PDXP: variants seen among roughly 807,000 people sequenced by gnomAD.
PDXP encodes pyridoxal phosphatase.
Under a neutral mutation model 14.4 loss-of-function variants are expected in PDXP, and 15 were observed. That is an observed-to-expected ratio of 1.04 (90% CI 0.70 to 1.60). The LOEUF is 1.60. Among genes scored for constraint, PDXP ranks in the 40% most tolerant of loss-of-function variants. PDXP has a pLI of 0.00. For synonymous variants in PDXP, 233 were observed against 205.6 expected, an observed-to-expected ratio of 1.13 and a Z score of -1.14; for missense variants, 413 against 427.6, an observed-to-expected ratio of 0.97 and a Z score of 0.30.
At chr22:37,665,442 C>T (rs1921037516) in intron 1 of PDXP, 113 bp from the exon 2 acceptor site, 3 of 822,930 alleles carry the variant, frequency 3.6e-6, no homozygotes, top group Admixed American at 2.7e-5. Context: ...CTTTCTGGCT[C>T]CTGTCAGCAG....
At chr22:37,665,496 T>C (rs866781194) in intron 1 of PDXP, 59 bp from the exon 2 acceptor site, 1 of 1,385,138 alleles carries the variant, frequency 7.2e-7, no homozygotes, top group East Asian at 2.4e-5. Context: ...ACTTCCAGTT[T>C]CAGGGCCTGA....
intron 1 of PDXP, among the ~76,000 whole-genome samples, chr22:37,664,469 C>G (rs906431996): frequency 6.6e-6 from 1 of 152,190 alleles, no homozygotes; most frequent in Non-Finnish European, 1.5e-5. Flanking sequence ...AATCTGTACT[C>G]CCAGGTCAGA....
chr22:37,662,636 G>A (rs1165909025), intron 1 of PDXP, among the ~76,000 whole-genome samples: 1 of 152,332 alleles, frequency 6.6e-6, no homozygotes, highest in East Asian at 1.9e-4. Flanking sequence ...GCAGAGGCTA[G>A]TGTGGTTCAG....
chr22:37,665,947 C>T lies in PDXP; in HGVS notation c.*76C>T. 18 of 1,420,934 alleles carry T rather than the reference C, an allele frequency of 1.3e-5. No individual in the cohort carries two copies. Among genetic ancestry groups the T allele is most frequent in the Non-Finnish European group, 1.6e-5 (17 of 1,032,670 alleles). The allele number at this position is 1,420,934 out of a possible 1,614,324, so 88.0% of individuals were successfully genotyped here. On this transcript the variant is annotated 3_prime_UTR_variant, in exon 2 of 2. Coordinates refer to ENST00000215904, the MANE Select transcript of PDXP (RefSeq NM_020315.5). ...GTAGGTGGAGGCGATGGGTCACGAG[C>T]CATGTTAAGCACAACCGGCTCCTTG...
chr22:37,660,842 G>A (rs932104628), intron 1 of PDXP, among the ~76,000 whole-genome samples: 3 of 152,174 alleles, frequency 2.0e-5, no homozygotes, highest in South Asian at 2.1e-4. Context: ...GCAGGGCAGT[G>A]ATAATACACC....
Position 37,659,241 on chromosome 22 carries a change from C to G in PDXP, c.459C>G (p.His153Gln). 2.3e-6 allele frequency: 3 copies of G among 1,323,844 alleles called. No homozygotes were observed. The highest frequency in any genetic ancestry group is 2.9e-6 in the Non-Finnish European group (3 of 1,031,806). The allele number at this position is 1,323,844 out of a possible 1,614,324, so 82.0% of individuals were successfully genotyped here. A position where few individuals can be genotyped will look rare whatever the true frequency, so the allele number is the denominator to read the frequency against. The change falls in exon 1 of 2, where the codon CAC (histidine) becomes CAG (glutamine). Residue 153 changes from histidine to glutamine, a missense_variant. Transcript: ENST00000215904. ...VRAVLVGYDE[H>Q]FSFAKLREAC... is the part of the protein sequence containing the mutation. Reference sequence around the variant, plus strand: ...CCGTGCTTGTGGGCTACGACGAGCACTTCTCCTTCGCCAAGCTGAGGGAGG... The same window carrying G: ...CCGTGCTTGTGGGCTACGACGAGCAGTTCTCCTTCGCCAAGCTGAGGGAGG...
intron 1 of PDXP, among the ~76,000 whole-genome samples, chr22:37,660,606 G>A (rs940236519): frequency 1.3e-5 from 2 of 152,234 alleles, no homozygotes; most frequent in Non-Finnish European, 2.9e-5. Flanking sequence ...ATTGGCAGTG[G>A]TCAGTGTGTG....
Position 37,665,580 on chromosome 22 carries a change from G to A in PDXP, c.600G>A (p.Val200=), listed in dbSNP as rs1224794046. ...GCACCGGGAGCCTGGCCGCTGCAGT[G>A]GAGACAGCCTCGGGACGCCAGGCCC... ...TPGTGSLAAA[V]ETASGRQALV... The change falls in exon 2 of 2, where the codon GTG becomes GTA. Residue 200 remains valine (V), a synonymous_variant. Transcript: ENST00000215904. 1 of 1,611,268 alleles carries A rather than the reference G, an allele frequency of 6.2e-7. No homozygotes were observed. The highest frequency in any genetic ancestry group is 1.1e-5 in the South Asian group (1 of 91,038).
At chr22:37,659,583 C>T (rs1396755200) in intron 1 of PDXP, among the ~76,000 whole-genome samples, 2 of 152,134 alleles carry the variant, frequency 1.3e-5, no homozygotes, top group South Asian at 2.1e-4. Context: ...GAAACTGAGG[C>T]CCTTTGTAAC....
chr22:37,659,324 G>T lies in PDXP; in HGVS notation c.542G>T (p.Trp181Leu). ...CLLVATDRDPWHPLSDGSRTP... is the reference protein window; with the variant it reads ...CLLVATDRDPLHPLSDGSRTP... ...CTCGTGGCCACCGACCGTGACCCAT[G>T]GCACCCGCTGAGCGACGGCAGCCGG... Residue 181 changes from tryptophan (W) to leucine (L), a missense_variant, in exon 1 of 2, where the codon TGG (tryptophan) becomes TTG (leucine). Transcript: ENST00000215904. 7.7e-7 allele frequency: 1 copy of T among 1,303,006 alleles called. No individual in the cohort carries two copies. The highest frequency in any genetic ancestry group is 2.8e-5 in the South Asian group (1 of 35,250). The allele number at this position is 1,303,006 out of a possible 1,614,324, so 80.7% of individuals were successfully genotyped here.
Position 37,659,244 on chromosome 22 carries a change from C to T in PDXP, c.462C>T (p.Phe154=), listed in dbSNP as rs563810645. 6.8e-6 allele frequency: 9 copies of T among 1,324,358 alleles called. No individual in the cohort carries two copies. In the African/African-American group the frequency reaches 7.5e-5, roughly 11 times the overall value. The allele number at this position is 1,324,358 out of a possible 1,614,324, so 82.0% of individuals were successfully genotyped here. ...TGCTTGTGGGCTACGACGAGCACTT[C>T]TCCTTCGCCAAGCTGAGGGAGGCGT... ...RAVLVGYDEH[F]SFAKLREACA... Residue 154 remains phenylalanine (F), a synonymous_variant, in exon 1 of 2, where the codon TTC becomes TTT. Coordinates refer to ENST00000215904, the MANE Select transcript of PDXP (RefSeq NM_020315.5).
chr22:37,659,052 G>A lies in PDXP; in HGVS notation c.270G>A (p.Leu90=). 1 of 1,134,100 alleles carries A rather than the reference G, an allele frequency of 8.8e-7. No homozygotes were observed. The highest frequency in any genetic ancestry group is 4.4e-5 in the East Asian group (1 of 22,528). The allele number at this position is 1,134,100 out of a possible 1,614,324, so 70.3% of individuals were successfully genotyped here. The change falls in exon 1 of 2, where the codon CTG becomes CTA. Residue 90 remains leucine (L), a synonymous_variant. Transcript: ENST00000215904. ...CCGAGCAGCTCTTCAGCTCCGCGCTGTGCGCCGCGCGCCTGCTGCGCCAGC... is the reference window on the plus strand; with the variant it reads ...CCGAGCAGCTCTTCAGCTCCGCGCTATGCGCCGCGCGCCTGCTGCGCCAGC... The part of the protein sequence containing the change: ...LRAEQLFSSA[L]CAARLLRQRL...
Position 37,658,899 on chromosome 22 carries a change from C to T in PDXP, c.117C>T (p.Gly39=). The T allele has an allele frequency of 8.2e-7, 1 of 1,223,768 alleles. No individual in the cohort carries two copies. Among genetic ancestry groups the T allele is most frequent in the Non-Finnish European group, 1.0e-6 (1 of 981,140 alleles). The allele number at this position is 1,223,768 out of a possible 1,614,324, so 75.8% of individuals were successfully genotyped here. ...GGAACGGCGAGCGCGCCGTGCCGGG[C>T]GCCCCGGAGCTGCTGGAGCGGCTGG... The part of the protein sequence containing the change: ...VLWNGERAVP[G]APELLERLAR... The change falls in exon 1 of 2, where the codon GGC becomes GGT. Residue 39 remains glycine (G), a synonymous_variant. Coordinates refer to ENST00000215904, the MANE Select transcript of PDXP (RefSeq NM_020315.5).
In PDXP at chr22:37,665,638, G is replaced by C. The variant is rs752569280; in HGVS notation, c.658G>C (p.Glu220Gln). 5 of 1,613,938 alleles carry C rather than the reference G, an allele frequency of 3.1e-6. No individual in the cohort carries two copies. The East Asian group carries it at 8.9e-5, about 29-fold the overall frequency. ...VVGKPSPYMF[E>Q]CITENFSIDP... ...GGGCAAGCCCAGCCCCTACATGTTC[G>C]AGTGCATCACGGAGAACTTCAGCAT... Residue 220 changes from glutamate (E) to glutamine (Q), a missense_variant, in exon 2 of 2, where the codon GAG becomes CAG. By Grantham distance (29) the Glu-to-Gln change is conservative. Transcript: ENST00000215904.
At chr22:37,662,970 A>G (rs865800218) in intron 1 of PDXP, among the ~76,000 whole-genome samples, 1 of 151,374 alleles carries the variant, frequency 6.6e-6, no homozygotes, top group Non-Finnish European at 1.5e-5. Flanking sequence ...CCTGGGTGAC[A>G]GAGCGAGACT....
At chr22:37,662,389 C>T (rs1933223072) in intron 1 of PDXP, among the ~76,000 whole-genome samples, 1 of 152,212 alleles carries the variant, frequency 6.6e-6, no homozygotes, top group East Asian at 1.9e-4. Context: ...AGACAGGAGG[C>T]CCAGAGCATT....
At position 37,658,928 on chromosome 22, in the gene PDXP, G is replaced by T; in HGVS notation, c.146G>T (p.Arg49Leu). The change falls in exon 1 of 2, where the codon CGG becomes CTG. Residue 49 changes from arginine to leucine, a missense_variant. Physicochemically the swap from Arg to Leu is moderately radical, Grantham distance 102. Coordinates refer to ENST00000215904, the MANE Select transcript of PDXP (RefSeq NM_020315.5). The stretch of plus-strand genomic sequence containing the variant: ...CCGGAGCTGCTGGAGCGGCTGGCGC[G>T]GGCCGGCAAGGCGGCTCTGTTTGTG... Reference protein sequence around the residue: ...GAPELLERLARAGKAALFVSN... With the variant: ...GAPELLERLALAGKAALFVSN... The T allele has an allele frequency of 1.6e-6, 2 of 1,217,334 alleles. No homozygotes were observed. Among genetic ancestry groups the T allele is most frequent in the South Asian group, 3.1e-5 (1 of 32,392 alleles). 75.4% of individuals were successfully genotyped at this position (1,217,334 alleles called of 1,614,324 possible).
rs1223338724 is a variant in PDXP, at chr22:37,665,594, G to T, written c.614G>T (p.Gly205Val). ...SLAAAVETASGRQALVVGKPS... is the reference protein window; with the variant it reads ...SLAAAVETASVRQALVVGKPS... ...GCCGCTGCAGTGGAGACAGCCTCGG[G>T]ACGCCAGGCCCTGGTGGTGGGCAAG... Residue 205 changes from glycine (G) to valine (V), a missense_variant, in exon 2 of 2, where the codon GGA becomes GTA. Physicochemically the swap from Gly to Val is moderately radical, Grantham distance 109. Transcript: ENST00000215904. The T allele has an allele frequency of 1.3e-5, 21 of 1,612,492 alleles. No individual in the cohort carries two copies. The highest frequency in any genetic ancestry group is 1.6e-5 in the Non-Finnish European group (19 of 1,179,886).
chr22:37,661,714 C>T (rs1933207490), intron 1 of PDXP, among the ~76,000 whole-genome samples: 1 of 151,928 alleles, frequency 6.6e-6, no homozygotes, highest in Admixed American at 6.6e-5. Context: ...TGTAGTTGGG[C>T]CTTAGTAAAT....
Sources: allele counts gnomAD v4.1 joint callset (sites outside exome capture counted in the v4.1 genomes callset), GRCh38; gene constraint gnomAD v4.1.1; transcripts MANE v1.5; gene names NCBI Gene and HGNC (gene_info 2026-07-23, HGNC 2026-07-21).